Variants in WDR70 observed in about 807,000 individuals in gnomAD.
WDR70 encodes the protein WD repeat domain 70, also known as WD repeat-containing protein 70.
A neutral mutation model predicts 88.6 loss-of-function variants in WDR70; 53 were observed. The ratio of observed to expected loss-of-function variants is 0.60; its 90% CI spans 0.48 to 0.75. The LOEUF (loss-of-function observed/expected upper bound fraction) is 0.75, where lower values mean the gene tolerates loss of function less well. Among genes scored for constraint, WDR70 ranks in the 30% least tolerant of loss-of-function variants. The pLI, the probability that WDR70 is intolerant of heterozygous loss-of-function variation, is 0.00. For missense variants in WDR70, 610 were observed against 823.2 expected (o/e 0.74, Z 3.17); for synonymous variants, 280 against 270.0 (o/e 1.04, Z -0.36).
chr5:37,418,454 G>A (rs1051822316), intron 5 of WDR70, among the ~76,000 whole-genome samples: 2 of 151,974 alleles, frequency 1.3e-5, no homozygotes, highest in South Asian at 4.2e-4. Context: ...TGAGTAGCTG[G>A]GACTACAGGC....
chr5:37,674,708 T>C (rs984940137), intron 10 of WDR70, among the ~76,000 whole-genome samples: 15 of 152,112 alleles, frequency 9.9e-5, no homozygotes, highest in African/African-American at 3.6e-4. Flanking sequence ...TGCATGTGTC[T>C]TTATAGCAGC....
At chr5:37,406,669 A>G in intron 5 of WDR70, among the ~76,000 whole-genome samples, 1 of 152,212 alleles carries the variant, frequency 6.6e-6, no homozygotes, top group Middle Eastern at 3.2e-3. Context: ...AGTGTTAGCT[A>G]TTATCATTAA....
intron 9 of WDR70, among the ~76,000 whole-genome samples, chr5:37,554,402 G>A (rs1436835173): frequency 6.6e-6 from 1 of 152,028 alleles, no homozygotes; most frequent in Non-Finnish European, 1.5e-5. Context: ...GAGATTTGGA[G>A]GAAGATGTTG....
intron 5 of WDR70, among the ~76,000 whole-genome samples, chr5:37,416,315 C>T (rs1250059546): frequency 6.6e-6 from 1 of 152,214 alleles, no homozygotes; most frequent in Non-Finnish European, 1.5e-5. Context: ...TGGAGACCAG[C>T]CTGGGCAACA....
intron 13 of WDR70, among the ~76,000 whole-genome samples, chr5:37,713,643 G>A (rs1275756070): frequency 1.1e-4 from 16 of 151,772 alleles, no homozygotes; most frequent in Middle Eastern, 3.4e-3. Context: ...ATTCACTAGG[G>A]AGAAACATAC....
Position 37,521,369 on chromosome 5 carries a change from G to A in WDR70, c.917+4779G>A, listed in dbSNP as rs72738756. 4.6e-3 allele frequency among the ~76,000 whole-genome samples: 704 copies of A among 152,126 alleles called. 6 individuals are homozygous for A. The highest frequency in any genetic ancestry group is 6.9e-3 in the Admixed American group (106 of 15,288). ...TTTTTTATTTCAGTAGGTTTTTGGGGGACAAGTGGTATTTGATTACATGAA... is the reference window on the plus strand; with the variant it reads ...TTTTTTATTTCAGTAGGTTTTTGGGAGACAAGTGGTATTTGATTACATGAA... On this transcript the variant is annotated intron_variant, in intron 9 of 17. Coordinates refer to ENST00000265107, the MANE Select transcript of WDR70 (RefSeq NM_018034.4).
intron 17 of WDR70, among the ~76,000 whole-genome samples, chr5:37,745,108 G>A (rs183875365): frequency 1.0e-3 from 153 of 152,192 alleles, no homozygotes; most frequent in African/African-American, 3.3e-3. Flanking sequence ...AAGAGATTGC[G>A]GGCCAATATC....
chr5:37,424,148 C>CAAAAAAAAAAAAAAAAAAA (rs11304949), intron 5 of WDR70, among the ~76,000 whole-genome samples: 2 of 55,492 alleles, frequency 3.6e-5, no homozygotes, highest in Non-Finnish European at 5.9e-5. Flanking sequence ...GACTCCATCT[C>CAAAAAAAAAAAAAAAAAAA]AAAAAAAAAA....
intron 9 of WDR70, among the ~76,000 whole-genome samples, chr5:37,543,983 T>C (rs1305866391): frequency 2.0e-5 from 3 of 152,104 alleles, no homozygotes; most frequent in Admixed American, 6.6e-5. Context: ...TGTTGGCCAG[T>C]CTGGTCTCGA....
At position 37,589,249 on chromosome 5, in the gene WDR70, T is replaced by C. The variant is rs201129120; in HGVS notation, c.918-15815T>C. ...ATACATACATATATACCTACACACA[T>C]ACACACACACACACACACACACACA... is the stretch of plus-strand genomic sequence containing the variant. On this transcript the variant is annotated intron_variant, in intron 9 of 17. Transcript: ENST00000265107. 5.5e-3 allele frequency among the ~76,000 whole-genome samples: 771 copies of C among 140,096 alleles called. 7 individuals are homozygous for C. The highest frequency in any genetic ancestry group is 0.017 in the African/African-American group (666 of 38,214). 91.9% of individuals were successfully genotyped at this position (140,096 alleles called of 152,430 possible). A position where few individuals can be genotyped will look rare whatever the true frequency, so the allele number is the denominator to read the frequency against.
intron 10 of WDR70, among the ~76,000 whole-genome samples, chr5:37,677,740 G>C (rs953105841): frequency 5.9e-5 from 9 of 152,198 alleles, no homozygotes; most frequent in African/African-American, 1.9e-4. Flanking sequence ...TTCTGTAGAT[G>C]TCTATTAGGT....
rs756649180 is a variant in WDR70, at chr5:37,724,950, G to A, written c.1614G>A (p.Met538Ile). ...DYIITPHALP[M>I]FREPRQRSTR... The stretch of plus-strand genomic sequence containing the variant: ...TTCTTGTAGCTCATGCCTTGCCTAT[G>A]TTCCGTGAGCCCCGCCAACGGAGTA... The change falls in exon 16 of 18, where the codon ATG (methionine) becomes ATA (isoleucine). Residue 538 changes from methionine to isoleucine, a missense_variant. By Grantham distance (10) the Met-to-Ile change is conservative. Transcript: ENST00000265107. 6 of 1,613,610 alleles carry A rather than the reference G, an allele frequency of 3.7e-6. No individual in the cohort carries two copies. The highest frequency in any genetic ancestry group is 5.1e-6 in the Non-Finnish European group (6 of 1,179,678).
intron 11 of WDR70, among the ~76,000 whole-genome samples, chr5:37,698,977 G>C (rs1025770534): frequency 6.6e-6 from 1 of 152,152 alleles, no homozygotes; most frequent in Non-Finnish European, 1.5e-5. Flanking sequence ...GTTCAGAGAT[G>C]ATTCCCAATT....
chr5:37,632,736 T>C (rs184080919), intron 10 of WDR70, among the ~76,000 whole-genome samples: 29 of 152,340 alleles, frequency 1.9e-4, no homozygotes. Context: ...AGTTAATTTA[T>C]TATTGAAGAA....
chr5:37,481,386 T>A (rs192002302), intron 8 of WDR70, among the ~76,000 whole-genome samples: 3 of 152,252 alleles, frequency 2.0e-5, no homozygotes, highest in Admixed American at 2.0e-4. Flanking sequence ...TTTTCATACA[T>A]CTTCTGAAAT....
At chr5:37,489,155 G>A (rs1739985222) in intron 8 of WDR70, among the ~76,000 whole-genome samples, 1 of 152,198 alleles carries the variant, frequency 6.6e-6, no homozygotes. Flanking sequence ...ATGCCAGGTG[G>A]GCCAGTCTTC....
intron 7 of WDR70, among the ~76,000 whole-genome samples, chr5:37,468,584 T>G (rs1252989764): frequency 6.6e-6 from 1 of 152,186 alleles, no homozygotes; most frequent in African/African-American, 2.4e-5. Flanking sequence ...TTGCATAATT[T>G]TTTTTTGTAG....
In WDR70 at chr5:37,381,679, A is replaced by G; in HGVS notation, c.169A>G (p.Thr57Ala). ...RRTAVERSRK[T>A]LEAREKEEEM... ...GACAGCTGTGGAAAGAAGTCGCAAA[A>G]CACTGGGTAAGAAGCTCAGATATTT... The change falls in exon 3 of 18, where the codon ACA becomes GCA. Residue 57 changes from threonine to alanine, a missense_variant. By Grantham distance (58) the Thr-to-Ala change is moderately conservative. This residue lies in a region of WDR70 where 203 missense variants were observed against 228.1 expected (regional missense o/e 0.89). Transcript: ENST00000265107. 6.2e-7 allele frequency: 1 copy of G among 1,610,452 alleles called. No homozygotes were observed. Among genetic ancestry groups the G allele is most frequent in the South Asian group, 1.1e-5 (1 of 91,042 alleles).
At chr5:37,727,304 A>G (rs1336641527) in intron 17 of WDR70, among the ~76,000 whole-genome samples, 2 of 152,186 alleles carry the variant, frequency 1.3e-5, no homozygotes, top group East Asian at 1.9e-4. Flanking sequence ...CATCCTGCCC[A>G]TGATTAAAAC....
Sources: allele counts gnomAD v4.1 joint callset (sites outside exome capture counted in the v4.1 genomes callset), GRCh38; gene constraint gnomAD v4.1.1; regional missense constraint gnomAD v4.1.1; transcripts MANE v1.5; gene names NCBI Gene and HGNC (gene_info 2026-07-23, HGNC 2026-07-21).